SORL1: variants seen among roughly 807,000 people sequenced by gnomAD.
SORL1 encodes the protein sortilin-related receptor.
A neutral mutation model predicts 273.7 loss-of-function variants in SORL1; 127 were observed. The observed-to-expected ratio is 0.46, with a 90% CI of 0.40 to 0.54. SORL1 has a LOEUF of 0.54. SORL1 is among the 20% of genes least tolerant of loss of function. The pLI is 0.00. For synonymous variants in SORL1, 1,031 were observed against 1,067.4 expected (o/e 0.97, Z 0.66); for missense variants, 2,494 against 2,846.1 (o/e 0.88, Z 2.81).
intron 12 of SORL1, among the ~76,000 whole-genome samples, chr11:121,536,012 G>T (rs535427112): frequency 6.6e-6 from 1 of 152,326 alleles, no homozygotes; most frequent in African/African-American, 2.4e-5. Context: ...CACCCTGACC[G>T]AAGAAGATTC....
chr11:121,579,288 A>C (rs1862980021), intron 25 of SORL1, among the ~76,000 whole-genome samples: 1 of 152,164 alleles, frequency 6.6e-6, no homozygotes, highest in Admixed American at 6.5e-5. Flanking sequence ...TGTCATCTCA[A>C]AATAGTTGGA....
intron 29 of SORL1, 97 bp downstream of exon 29, chr11:121,589,487 T>C (rs559677728): frequency 1.0e-4 from 153 of 1,480,074 alleles, no homozygotes; most frequent in Non-Finnish European, 1.4e-4. Flanking sequence ...ACTGCAGACT[T>C]GGCCTTCCCG....
chr11:121,463,522 G>A (rs930642788), intron 1 of SORL1, among the ~76,000 whole-genome samples: 1 of 152,180 alleles, frequency 6.6e-6, no homozygotes, highest in East Asian at 1.9e-4. Context: ...CATCCTTTTA[G>A]CAAAGAGAAA....
intron 32 of SORL1, among the ~76,000 whole-genome samples, chr11:121,600,051 A>G (rs1863363319): frequency 6.6e-6 from 1 of 152,224 alleles, no homozygotes; most frequent in African/African-American, 2.4e-5. Context: ...CATGCCTGTC[A>G]TACTTGCAAG....
chr11:121,587,648 T>C (rs1334043453), intron 27 of SORL1, among the ~76,000 whole-genome samples: 1 of 152,194 alleles, frequency 6.6e-6, no homozygotes, highest in Non-Finnish European at 1.5e-5. Context: ...CCTACCCCCG[T>C]ATTAGAGAGT....
At chr11:121,555,085 C>T in intron 17 of SORL1, 102 bp from the exon 18 acceptor site, 2 of 1,267,444 alleles carry the variant, frequency 1.6e-6, no homozygotes, top group Non-Finnish European at 2.1e-6. Flanking sequence ...TCATCCCTTG[C>T]CAGTCCTGCC....
At position 121,565,473 on chromosome 11, in the gene SORL1, C is replaced by T. The variant is rs1029325432; in HGVS notation, c.3050-1467C>T. 7.2e-5 allele frequency among the ~76,000 whole-genome samples: 11 copies of T among 152,198 alleles called. No homozygotes were observed. The South Asian group carries it at 1.4e-3, about 20-fold the overall frequency. On this transcript the variant is annotated intron_variant, in intron 21 of 47. Transcript: ENST00000260197. ...GACACTGATTATCATTCATGAACTT[C>T]GTCTAACCTGTAGGCCAGGATAGGC...
chr11:121,575,307 C>T (rs1244695806), intron 24 of SORL1, among the ~76,000 whole-genome samples: 2 of 152,204 alleles, frequency 1.3e-5, no homozygotes, highest in Non-Finnish European at 2.9e-5. Flanking sequence ...GTCCCTGGTC[C>T]CAGACTCATA....
rs1311058795 is a variant in SORL1 at position 121,577,780 on chromosome 11, A to G, written c.3580+380A>G. Among the ~76,000 whole-genome samples the G allele has an allele frequency of 2.0e-5, 3 of 152,222 alleles. No homozygotes were observed. The East Asian group carries it at 5.8e-4, about 29-fold the overall frequency. On this transcript the variant is annotated intron_variant, in intron 25 of 47. Transcript: ENST00000260197. ...GGAGCATCAGGGGGTTCCCCAGACA[A>G]GGAAAATGTAAACTGTGTTTGTACC... is the stretch of plus-strand genomic sequence containing the variant.
intron 22 of SORL1, among the ~76,000 whole-genome samples, chr11:121,568,831 G>T (rs192224364): frequency 5.9e-5 from 9 of 152,250 alleles, no homozygotes; most frequent in Non-Finnish European, 1.3e-4. Context: ...ATTTCTTCCA[G>T]CCTCCTCCTC....
At chr11:121,628,454 A>G (rs1863829959) in intron 47 of SORL1, among the ~76,000 whole-genome samples, 1 of 152,156 alleles carries the variant, frequency 6.6e-6, no homozygotes. Flanking sequence ...GTGAGAATCT[A>G]ATGCTGCCCT....
chr11:121,472,649 T>C (rs1350317938), intron 2 of SORL1, among the ~76,000 whole-genome samples: 1 of 152,126 alleles, frequency 6.6e-6, no homozygotes, highest in South Asian at 2.1e-4. Context: ...CTCTGTATAT[T>C]TGGGTGTGTC....
chr11:121,488,226 GCTC>G, intron 4 of SORL1, 33 bp downstream of exon 4: 1 of 1,607,054 alleles, frequency 6.2e-7, no homozygotes. Context: ...GTTGCATGGG[GCTC>G]CTCTAGTTTT....
chr11:121,555,108 G>C (rs1279186483), intron 17 of SORL1, 79 bp from the exon 18 acceptor site: 4 of 1,446,460 alleles, frequency 2.8e-6, no homozygotes, highest in African/African-American at 1.4e-5. Context: ...TTGAATAAAG[G>C]GTTACCCTTC....
At chr11:121,609,613 G>C (rs1166606874) in intron 38 of SORL1, 2 of 152,204 alleles carry the variant, frequency 1.3e-5, no homozygotes, top group African/African-American at 4.8e-5. Context: ...TTGTACAGAA[G>C]GCAGCTGTGT....
At chr11:121,618,415 C>T (rs1863669916) in intron 41 of SORL1, among the ~76,000 whole-genome samples, 1 of 152,106 alleles carries the variant, frequency 6.6e-6, no homozygotes, top group Admixed American at 6.5e-5. Flanking sequence ...TAGAATGACA[C>T]CCCCTCTTTA....
In SORL1 at chr11:121,608,161, A is replaced by G; in HGVS notation, c.5224A>G (p.Thr1742Ala). The G allele has an allele frequency of 6.2e-7, 1 of 1,613,544 alleles. No homozygotes were observed. The highest frequency in any genetic ancestry group is 1.1e-5 in the South Asian group (1 of 91,066). The change falls in exon 38 of 48, where the codon ACC (threonine) becomes GCC (alanine). Residue 1742 changes from threonine (T) to alanine (A), a missense_variant. Thr to Ala is a moderately conservative substitution (Grantham distance 58). This residue lies in a region of SORL1 where 1,609 missense variants were observed against 1,816.4 expected (regional missense o/e 0.89). Transcript: ENST00000260197. ...CTGGAGCGATTCTAAATCCATTACC[A>G]CCATAAAAGGAAAAGGTAAATGATC... is the stretch of plus-strand genomic sequence containing the variant. ...GNWSDSKSIT[T>A]IKGKVIPPPD...
At chr11:121,545,637 C>T (rs944077386) in intron 14 of SORL1, among the ~76,000 whole-genome samples, 9 of 152,104 alleles carry the variant, frequency 5.9e-5, no homozygotes, top group Non-Finnish European at 8.8e-5. Context: ...CCAGGTAATG[C>T]GGTAGAGGTG....
intron 19 of SORL1, 134 bp downstream of exon 19, chr11:121,557,539 T>C: frequency 1.4e-6 from 1 of 697,504 alleles, no homozygotes; most frequent in East Asian, 2.7e-5. Context: ...ACTGAGAAGT[T>C]TGAGACCACA....
Sources: allele counts gnomAD v4.1 joint callset (sites outside exome capture counted in the v4.1 genomes callset), GRCh38; gene constraint gnomAD v4.1.1; regional missense constraint gnomAD v4.1.1; transcripts MANE v1.5; gene names NCBI Gene and HGNC (gene_info 2026-07-23, HGNC 2026-07-21).